The following LIMCH1 variants were observed in gnomAD, a reference collection of about 807,000 sequenced individuals.
LIMCH1 encodes the protein LIM and calponin homology domains-containing protein 1.
A neutral mutation model predicts 176.5 loss-of-function variants in LIMCH1; 113 were observed. That is an observed-to-expected ratio of 0.64 (90% CI 0.55 to 0.75). LIMCH1 has a LOEUF of 0.75. Among genes scored for constraint, LIMCH1 ranks in the 30% least tolerant of loss-of-function variants. The probability of loss-of-function intolerance (pLI) is 0.00; values close to 1 mark genes in which losing one functional copy is unlikely to be tolerated. For synonymous variants in LIMCH1, 619 were observed against 645.9 expected (o/e 0.96, Z 0.63); for missense variants, 1,674 against 1,814.9 (o/e 0.92, Z 1.41).
chr4:41,360,446 G>C (rs542368961), upstream of LIMCH1, among the ~76,000 whole-genome samples: 1 of 152,036 alleles, frequency 6.6e-6, no homozygotes, highest in African/African-American at 2.4e-5. The surrounding 1 kb of genome is among the most constrained non-coding windows in gnomAD (Gnocchi z 4.5). Flanking sequence ...GCGCAGGGAC[G>C]TGCGGGGCGG....
At chr4:41,552,212 G>A (rs1216295922) in intron 1 of LIMCH1, among the ~76,000 whole-genome samples, 1 of 152,140 alleles carries the variant, frequency 6.6e-6, no homozygotes, top group Non-Finnish European at 1.5e-5. Context: ...CAACTTGTGG[G>A]GATTGTGGGA....
intron 1 of LIMCH1, among the ~76,000 whole-genome samples, chr4:41,543,404 A>G (rs1282613592): frequency 6.6e-6 from 1 of 152,210 alleles, no homozygotes; most frequent in Non-Finnish European, 1.5e-5. Context: ...TTTCCCTAAC[A>G]TAACTTACAT....
chr4:41,542,489 T>G (rs193023586), intron 1 of LIMCH1, among the ~76,000 whole-genome samples: 281 of 152,252 alleles, frequency 1.8e-3, no homozygotes, highest in South Asian at 7.5e-3. Flanking sequence ...AAAAAATACC[T>G]TCCTTATAGG....
intron 1 of LIMCH1, among the ~76,000 whole-genome samples, chr4:41,430,456 G>GT (rs1337515893): frequency 2.0e-5 from 3 of 152,160 alleles, no homozygotes; most frequent in African/African-American, 7.2e-5. Flanking sequence ...TTGAGATGGA[G>GT]TTTCACCACG....
chr4:41,407,780 C>G (rs559419245), intron 1 of LIMCH1, among the ~76,000 whole-genome samples: 2 of 152,204 alleles, frequency 1.3e-5, no homozygotes, highest in Admixed American at 1.3e-4. Flanking sequence ...AGGGTTGAGC[C>G]CCACGTCTAG....
intron 3 of LIMCH1, among the ~76,000 whole-genome samples, chr4:41,527,287 T>A: frequency 6.6e-6 from 1 of 152,214 alleles, no homozygotes; most frequent in African/African-American, 2.4e-5. Flanking sequence ...TTTGAATAAC[T>A]ATGGTTAACA....
intron 1 of LIMCH1, among the ~76,000 whole-genome samples, chr4:41,584,499 T>G (rs1280522575): frequency 1.3e-5 from 2 of 152,198 alleles, no homozygotes; most frequent in Non-Finnish European, 2.9e-5. Context: ...CCAATAAGTT[T>G]AGGAAAAGCT....
chr4:41,644,648 C>T (rs1352077770), intron 15 of LIMCH1, 22 bp downstream of exon 15: 13 of 1,590,604 alleles, frequency 8.2e-6, no homozygotes, highest in Non-Finnish European at 1.1e-5. Flanking sequence ...CCAAGGCGCG[C>T]GGGCAGCGGG....
intron 17 of LIMCH1, among the ~76,000 whole-genome samples, chr4:41,649,568 C>T (rs2094205096): frequency 6.6e-6 from 1 of 152,094 alleles, no homozygotes; most frequent in African/African-American, 2.4e-5. Context: ...TGCATCAGAG[C>T]ACAGAGAATA....
intron 5 of LIMCH1, among the ~76,000 whole-genome samples, chr4:41,614,189 C>T (rs1221528151): frequency 2.0e-5 from 3 of 152,198 alleles, no homozygotes; most frequent in South Asian, 2.1e-4. Flanking sequence ...ATAGCTAGCA[C>T]GATGCAGGTG....
At chr4:41,451,980 T>A (rs1561415490) in intron 1 of LIMCH1, among the ~76,000 whole-genome samples, 2 of 152,214 alleles carry the variant, frequency 1.3e-5, no homozygotes, top group Non-Finnish European at 2.9e-5. Flanking sequence ...TGCCTCCTCA[T>A]AAGCCCTAGG....
At chr4:41,596,162 C>T (rs1344787990) in intron 1 of LIMCH1, among the ~76,000 whole-genome samples, 1 of 151,644 alleles carries the variant, frequency 6.6e-6, no homozygotes, top group Non-Finnish European at 1.5e-5. Flanking sequence ...CATACGTGCT[C>T]ATAAATATTC....
intron 1 of LIMCH1, among the ~76,000 whole-genome samples, chr4:41,386,394 T>A (rs1014091301): frequency 6.6e-6 from 1 of 152,188 alleles, no homozygotes; most frequent in East Asian, 1.9e-4. Context: ...TATGAAATGG[T>A]TATGGTTATA....
At chr4:41,604,012 T>C in intron 3 of LIMCH1, 107 bp downstream of exon 3, 1 of 1,054,642 alleles carries the variant, frequency 9.5e-7, no homozygotes. Flanking sequence ...TAGAAAAAAG[T>C]ATATGTGTAT....
At chr4:41,426,898 G>A (rs56039466) in intron 1 of LIMCH1, among the ~76,000 whole-genome samples, 1 of 152,288 alleles carries the variant, frequency 6.6e-6, no homozygotes, top group East Asian at 1.9e-4. Context: ...TTTCTACTTG[G>A]TATATGAAAA....
Position 41,538,270 on chromosome 4 carries a change from G to A in LIMCH1, c.-321G>A. 5 of 985,430 alleles carry A rather than the reference G, an allele frequency of 5.1e-6. No homozygotes were observed. The highest frequency in any genetic ancestry group is 6.0e-6 in the Non-Finnish European group (5 of 829,962). 61.0% of individuals were successfully genotyped at this position (985,430 alleles called of 1,614,324 possible). On this transcript the variant is annotated 5_prime_UTR_variant, in exon 1 of 32. Coordinates refer to ENST00000503057, the MANE Select transcript of LIMCH1 (RefSeq NM_001330672.2). ...TCGGCTGCTGTGCTGGGGCTGACGA[G>A]GAGCACACAGGAGAGATGCCCCTCC...
intron 1 of LIMCH1, among the ~76,000 whole-genome samples, chr4:41,402,648 A>C (rs1172854388): frequency 7.0e-6 from 1 of 143,100 alleles, no homozygotes; most frequent in Non-Finnish European, 1.5e-5. Context: ...ATGCAGCCAT[A>C]AAAAATGATG....
chr4:41,372,100 T>G (rs936200429), intron 1 of LIMCH1, among the ~76,000 whole-genome samples: 1 of 152,206 alleles, frequency 6.6e-6, no homozygotes, highest in Admixed American at 6.5e-5. Context: ...TTGTGTTGAT[T>G]GAAACGTCTG....
chr4:41,487,780 G>A (rs1290081744), intron 1 of LIMCH1, among the ~76,000 whole-genome samples: 1 of 149,312 alleles, frequency 6.7e-6, no homozygotes, highest in African/African-American at 2.5e-5. Context: ...TGCCTCCCTA[G>A]TAGCTGGGAC....
Sources: gnomAD v4.1 joint callset for allele counts (sites outside exome capture counted in the v4.1 genomes callset) on GRCh38, gnomAD v4.1.1 for gene constraint, Gnocchi (gnomAD v3.1) non-coding constraint, MANE v1.5 for transcripts, NCBI Gene and HGNC (gene_info 2026-07-23, HGNC 2026-07-21) for gene names.